CACNG2: variants seen among roughly 807,000 people sequenced by gnomAD.
CACNG2 encodes calcium voltage-gated channel auxiliary subunit gamma 2.
CACNG2 carries 3 observed loss-of-function variants against 25.9 expected under a neutral mutation model. The observed-to-expected ratio is 0.12, with a 90% CI of 0.05 to 0.30. CACNG2 has a LOEUF of 0.30. Among genes scored for constraint, CACNG2 ranks in the 10% least tolerant of loss-of-function variants. The pLI, the probability that CACNG2 is intolerant of heterozygous loss-of-function variation, is 1.00. For missense variants in CACNG2, 341 were observed against 432.5 expected, an observed-to-expected ratio of 0.79 and a Z score of 1.88; for synonymous variants, 167 against 173.3, an observed-to-expected ratio of 0.96 and a Z score of 0.29.
chr22:36,567,792 T>C (rs78432479), intron 2 of CACNG2, among the ~76,000 whole-genome samples: 4 of 152,188 alleles, frequency 2.6e-5, no homozygotes, highest in African/African-American at 9.6e-5. Flanking sequence ...CTGGGAGCCA[T>C]GGGCTAGGCA....
intron 1 of CACNG2, among the ~76,000 whole-genome samples, chr22:36,683,710 G>T (rs937328902): frequency 6.6e-6 from 1 of 152,148 alleles, no homozygotes; most frequent in Admixed American, 6.5e-5. Flanking sequence ...TTCCCTGCTG[G>T]TTGACAGGGA....
intron 1 of CACNG2, among the ~76,000 whole-genome samples, chr22:36,595,121 CTA>C (rs1935659248): frequency 6.8e-6 from 1 of 147,332 alleles, no homozygotes; most frequent in Admixed American, 6.8e-5. Flanking sequence ...GTGTGTGTGT[CTA>C]TGTGTGTGCA....
intron 1 of CACNG2, among the ~76,000 whole-genome samples, chr22:36,612,393 A>G (rs1222957053): frequency 1.3e-5 from 2 of 152,210 alleles, no homozygotes; most frequent in Non-Finnish European, 2.9e-5. Flanking sequence ...CACATAGTAG[A>G]TGCTTAATAA....
intron 1 of CACNG2, among the ~76,000 whole-genome samples, chr22:36,643,332 C>T (rs1038439049): frequency 3.3e-5 from 5 of 151,780 alleles, no homozygotes; most frequent in African/African-American, 1.2e-4. Context: ...TTCTCTGTCT[C>T]TCTCTCTCCA....
At chr22:36,702,236 T>C in intron 1 of CACNG2, 130 bp downstream of exon 1, 5 of 626,100 alleles carry the variant, frequency 8.0e-6, no homozygotes, top group Non-Finnish European at 1.1e-5. Context: ...CCAACCTTGA[T>C]TGGTGGTGGA....
At chr22:36,667,904 G>A (rs9607368) in intron 1 of CACNG2, among the ~76,000 whole-genome samples, 34,382 of 151,970 alleles carry the variant, frequency 0.23, 4,147 homozygotes, top group Middle Eastern at 0.32. Flanking sequence ...GTTCATCCAC[G>A]CTGTTACTTC....
chr22:36,598,477 G>A (rs1402808478), intron 1 of CACNG2, among the ~76,000 whole-genome samples: 4 of 151,260 alleles, frequency 2.6e-5, no homozygotes, highest in Non-Finnish European at 5.9e-5. Context: ...AATTAGCCGG[G>A]CTTGGTGGCG....
chr22:36,608,049 G>A (rs1935871319), intron 1 of CACNG2, among the ~76,000 whole-genome samples: 1 of 152,166 alleles, frequency 6.6e-6, no homozygotes, highest in East Asian at 1.9e-4. Context: ...TGGGCCCTGT[G>A]TAGGGAAGGA....
chr22:36,657,224 C>T lies in CACNG2; in HGVS notation c.211+45142G>A, dbSNP rs142148459. 5.6e-3 allele frequency among the ~76,000 whole-genome samples: 854 copies of T among 152,282 alleles called. 3 individuals carry two copies. The highest frequency in any genetic ancestry group is 0.02 in the Middle Eastern group (6 of 294). On this transcript the variant is annotated intron_variant, in intron 1 of 3. Transcript: ENST00000300105. ...GTTGATAATTAACATTGACTTTTTG[C>T]CTTCTTCCGGAGAGATCCAGTGGCT...
chr22:36,572,649 C>CT (rs1226218160), intron 2 of CACNG2, among the ~76,000 whole-genome samples: 4 of 151,406 alleles, frequency 2.6e-5, no homozygotes, highest in African/African-American at 9.7e-5. Flanking sequence ...TTGCAGTGAG[C>CT]TGAGATCAAG....
At chr22:36,694,992 G>T (rs1421083116) in intron 1 of CACNG2, among the ~76,000 whole-genome samples, 1 of 152,126 alleles carries the variant, frequency 6.6e-6, no homozygotes, top group Non-Finnish European at 1.5e-5. Flanking sequence ...CAGGTCAGAG[G>T]ATCACTGGAG....
At chr22:36,590,922 C>G (rs926191771) in intron 1 of CACNG2, among the ~76,000 whole-genome samples, 8 of 152,166 alleles carry the variant, frequency 5.3e-5, no homozygotes, top group Admixed American at 2.0e-4. Flanking sequence ...GCTGCCTGAA[C>G]TCCCACCACG....
chr22:36,691,533 A>G (rs1327867835), intron 1 of CACNG2, among the ~76,000 whole-genome samples: 4 of 152,214 alleles, frequency 2.6e-5, no homozygotes, highest in Admixed American at 2.0e-4. Context: ...AACATCTGAA[A>G]GAAGTTTATT....
intron 1 of CACNG2, among the ~76,000 whole-genome samples, chr22:36,656,931 A>G (rs1936715218): frequency 6.6e-6 from 1 of 152,068 alleles, no homozygotes; most frequent in African/African-American, 2.4e-5. Flanking sequence ...TGCTTTATTT[A>G]TCGATTGGTT....
chr22:36,649,123 G>A (rs1263115843), intron 1 of CACNG2, among the ~76,000 whole-genome samples: 3 of 152,128 alleles, frequency 2.0e-5, no homozygotes, highest in Non-Finnish European at 2.9e-5. Flanking sequence ...CATCACTTCA[G>A]ATGTCTTAAT....
chr22:36,605,665 T>C (rs1935820263), intron 1 of CACNG2, among the ~76,000 whole-genome samples: 1 of 152,160 alleles, frequency 6.6e-6, no homozygotes, highest in African/African-American at 2.4e-5. Context: ...AAACACTGCA[T>C]TGAGAGGGCT....
At chr22:36,699,659 G>C (rs956198914) in intron 1 of CACNG2, among the ~76,000 whole-genome samples, 1 of 133,568 alleles carries the variant, frequency 7.5e-6, no homozygotes, top group Non-Finnish European at 1.5e-5. Context: ...TGGGGGGTGG[G>C]GGGATCTTTT....
intron 2 of CACNG2, among the ~76,000 whole-genome samples, chr22:36,576,573 CGT>C (rs1025395207): frequency 9.6e-4 from 136 of 141,830 alleles, no homozygotes; most frequent in African/African-American, 2.6e-3. Flanking sequence ...TCTGTGTGTG[CGT>C]GTGTGTGTGT....
chr22:36,700,170 A>G (rs1179594441), intron 1 of CACNG2, among the ~76,000 whole-genome samples: 3 of 152,248 alleles, frequency 2.0e-5, no homozygotes, highest in African/African-American at 7.2e-5. Context: ...AAGTGTTGCA[A>G]TTCTAACCCT....
Sources: allele counts gnomAD v4.1 joint callset (sites outside exome capture counted in the v4.1 genomes callset), GRCh38; gene constraint gnomAD v4.1.1; transcripts MANE v1.5; gene names NCBI Gene and HGNC (gene_info 2026-07-23, HGNC 2026-07-21).